TG: variants seen among roughly 807,000 people sequenced by gnomAD.
The protein encoded by TG is thyroglobulin.
TG carries 270 observed loss-of-function variants against 324.7 expected under a neutral mutation model. That is an observed-to-expected ratio of 0.83 (90% confidence interval 0.75 to 0.92). The LOEUF is 0.92. TG is among the 40% of genes least tolerant of loss of function. The pLI is 0.00. For missense variants in TG, 3,591 were observed against 3,456.4 expected, an observed-to-expected ratio of 1.04 and a Z score of -0.98; for synonymous variants, 1,401 against 1,327.0, an observed-to-expected ratio of 1.06 and a Z score of -1.21.
At chr8:133,113,074 A>T (rs1850396658) in intron 43 of TG, among the ~76,000 whole-genome samples, 1 of 152,200 alleles carries the variant, frequency 6.6e-6, no homozygotes, top group Admixed American at 6.5e-5. Context: ...AAGCAAGTGA[A>T]ACTCGGGGGT....
intron 39 of TG, among the ~76,000 whole-genome samples, chr8:133,021,237 G>A (rs1218068214): frequency 2.0e-5 from 3 of 152,192 alleles, no homozygotes; most frequent in African/African-American, 7.2e-5. Context: ...ACAGTGCCTG[G>A]CTCCTAGTAA....
chr8:133,087,862 A>G (rs1326946425), intron 41 of TG: 1 of 152,204 alleles, frequency 6.6e-6, no homozygotes, highest in Non-Finnish European at 1.5e-5. Context: ...GCACGGAATC[A>G]TGGGAAATGA....
intron 36 of TG, 132 bp from the exon 37 acceptor site, chr8:133,013,468 T>C: frequency 9.2e-7 from 1 of 1,092,068 alleles, no homozygotes; most frequent in Non-Finnish European, 1.4e-6. Flanking sequence ...GATTCATGGA[T>C]GCATGATTGG....
intron 35 of TG, among the ~76,000 whole-genome samples, chr8:133,009,495 TTC>T (rs1834312050): frequency 6.6e-6 from 1 of 152,102 alleles, no homozygotes; most frequent in Admixed American, 6.5e-5. Context: ...ATTTGGCAAC[TTC>T]TCTGGATGAA....
chr8:133,019,214 C>G (rs1247467353), intron 38 of TG, among the ~76,000 whole-genome samples: 3 of 152,196 alleles, frequency 2.0e-5, no homozygotes, highest in African/African-American at 7.2e-5. Context: ...CACTGTAGGA[C>G]TCTGTACTGG....
chr8:132,968,336 A>G (rs544932717), intron 31 of TG, among the ~76,000 whole-genome samples: 1 of 152,338 alleles, frequency 6.6e-6, no homozygotes, highest in South Asian at 2.1e-4. Flanking sequence ...GAACTGCATC[A>G]ATTTGACAAT....
chr8:132,905,118 ATAG>A (rs1397157489), intron 16 of TG, among the ~76,000 whole-genome samples: 1 of 152,190 alleles, frequency 6.6e-6, no homozygotes, highest in East Asian at 1.9e-4. Flanking sequence ...TACACATCCC[ATAG>A]TAGTTTTTAA....
At chr8:133,078,180 C>T (rs1845190965) in intron 41 of TG, among the ~76,000 whole-genome samples, 1 of 152,170 alleles carries the variant, frequency 6.6e-6, no homozygotes, top group Non-Finnish European at 1.5e-5. Context: ...TACACGTGAC[C>T]CAAGAAGAGG....
intron 23 of TG, among the ~76,000 whole-genome samples, chr8:132,932,242 A>G (rs1360404582): frequency 1.3e-5 from 2 of 152,182 alleles, no homozygotes; most frequent in Non-Finnish European, 2.9e-5. Context: ...AAATCAGGAG[A>G]TGATGAAAAC....
chr8:132,886,940 C>A lies in TG; in HGVS notation c.1568C>A (p.Ser523Tyr). 1.2e-6 allele frequency: 2 copies of A among 1,614,186 alleles called. No homozygotes were observed. The highest frequency in any genetic ancestry group is 1.3e-5 in the African/African-American group (1 of 75,056). The stretch of plus-strand genomic sequence containing the variant: ...CAAGAAGATTTGGCCAAGCCACTCT[C>A]TGTGGGATTAGATTCAAATTCTTCC... ...GRQEDLAKPL[S>Y]VGLDSNSSTG... The change falls in exon 9 of 48, where the codon TCT (serine) becomes TAT (tyrosine). Residue 523 changes from serine (S) to tyrosine (Y), a missense_variant. Coordinates refer to ENST00000220616, the MANE Select transcript of TG (RefSeq NM_003235.5).
At chr8:133,052,061 C>A (rs912156217) in intron 41 of TG, among the ~76,000 whole-genome samples, 1 of 152,170 alleles carries the variant, frequency 6.6e-6, no homozygotes, top group Non-Finnish European at 1.5e-5. Flanking sequence ...CTGGAGAAAT[C>A]CCAGTACTCA....
At chr8:133,123,151 C>A (rs1045837199) in intron 45 of TG, among the ~76,000 whole-genome samples, 2 of 152,140 alleles carry the variant, frequency 1.3e-5, no homozygotes, top group African/African-American at 4.8e-5. Flanking sequence ...TGGTTGAGAA[C>A]CACTGCTGGA....
intron 41 of TG, among the ~76,000 whole-genome samples, chr8:133,064,882 T>C (rs897099132): frequency 6.6e-6 from 1 of 151,976 alleles, no homozygotes; most frequent in Non-Finnish European, 1.5e-5. Context: ...GGAAGGAGGG[T>C]AGCCCGAACC....
intron 41 of TG, among the ~76,000 whole-genome samples, chr8:133,090,563 G>C (rs1251503121): frequency 6.6e-6 from 1 of 152,180 alleles, no homozygotes; most frequent in Admixed American, 6.5e-5. Flanking sequence ...CATCAGCCTA[G>C]GTTGTAACGA....
chr8:133,048,427 G>A (rs769192392), intron 41 of TG, among the ~76,000 whole-genome samples: 11 of 152,088 alleles, frequency 7.2e-5, no homozygotes, highest in Non-Finnish European at 1.5e-4. Flanking sequence ...CACCATGTTG[G>A]CTGGGCTGGT....
chr8:133,018,118 G>A (rs1835214502), intron 38 of TG, 121 bp downstream of exon 38: 5 of 936,040 alleles, frequency 5.3e-6, no homozygotes, highest in Middle Eastern at 3.1e-4. Flanking sequence ...TATGGAGGAT[G>A]GAATATATTA....
chr8:133,113,125 G>A (rs1210237890), intron 43 of TG, among the ~76,000 whole-genome samples: 1 of 152,192 alleles, frequency 6.6e-6, no homozygotes, highest in Non-Finnish European at 1.5e-5. Flanking sequence ...AACCTTAACA[G>A]AGCACTTATT....
chr8:132,985,072 C>G (rs1188745589), intron 35 of TG, among the ~76,000 whole-genome samples: 2 of 152,138 alleles, frequency 1.3e-5, no homozygotes, highest in Non-Finnish European at 2.9e-5. Flanking sequence ...CTCCGTGTTT[C>G]TAAGTTACAG....
chr8:133,065,177 C>T (rs181254052), intron 41 of TG, among the ~76,000 whole-genome samples: 1 of 152,278 alleles, frequency 6.6e-6, no homozygotes, highest in African/African-American at 2.4e-5. Flanking sequence ...ATGACCAGAA[C>T]ACCCCCATCC....
Sources: gnomAD v4.1 joint callset for allele counts (sites outside exome capture counted in the v4.1 genomes callset) on GRCh38, gnomAD v4.1.1 for gene constraint, MANE v1.5 for transcripts, NCBI Gene and HGNC (gene_info 2026-07-23, HGNC 2026-07-21) for gene names.